Variants in ERBB4 observed in about 807,000 individuals in gnomAD.
ERBB4 encodes the protein receptor tyrosine-protein kinase erbB-4.
Under a neutral mutation model 158.0 loss-of-function variants are expected in ERBB4, and 42 were observed. That is an observed-to-expected ratio of 0.27 (90% CI 0.21 to 0.34). ERBB4 has a LOEUF of 0.34. Among genes scored for constraint, ERBB4 ranks in the 10% least tolerant of loss-of-function variants. The pLI is 1.00. For missense variants in ERBB4, 1,333 were observed against 1,624.1 expected, an observed-to-expected ratio of 0.82 and a Z score of 3.08; for synonymous variants, 583 against 558.7, an observed-to-expected ratio of 1.04 and a Z score of -0.61.
intron 1 of ERBB4, among the ~76,000 whole-genome samples, chr2:212,359,682 T>C (rs1223012169): frequency 6.6e-6 from 1 of 151,754 alleles, no homozygotes; most frequent in Non-Finnish European, 1.5e-5. Flanking sequence ...CAGTTAATCA[T>C]TAGTGCAATA....
intron 1 of ERBB4, among the ~76,000 whole-genome samples, chr2:212,383,969 T>C (rs982519190): frequency 1.3e-5 from 2 of 151,814 alleles, no homozygotes; most frequent in South Asian, 2.1e-4. Flanking sequence ...TTCAATTAAA[T>C]TGCTTTTGAT....
intron 1 of ERBB4, among the ~76,000 whole-genome samples, chr2:212,524,211 C>T (rs1692323196): frequency 6.6e-6 from 1 of 151,926 alleles, no homozygotes; most frequent in African/African-American, 2.4e-5. Flanking sequence ...AATAATTAAG[C>T]TGACGTTCAT....
intron 1 of ERBB4, among the ~76,000 whole-genome samples, chr2:212,151,289 A>AAT (rs1206409632): frequency 6.6e-6 from 1 of 150,776 alleles, no homozygotes; most frequent in Non-Finnish European, 1.5e-5. Flanking sequence ...ATAGGGGTTT[A>AAT]ATATATATAT....
chr2:212,408,227 A>G (rs555294459), intron 1 of ERBB4, among the ~76,000 whole-genome samples: 2 of 151,874 alleles, frequency 1.3e-5, no homozygotes, highest in African/African-American at 4.8e-5. Context: ...TCTTTTCTCT[A>G]ATGCTCTCCC....
intron 1 of ERBB4, among the ~76,000 whole-genome samples, chr2:212,291,410 A>T: frequency 6.6e-6 from 1 of 152,142 alleles, no homozygotes; most frequent in East Asian, 1.9e-4. Flanking sequence ...AAGTCTTTTT[A>T]CTAGATATTT....
intron 3 of ERBB4, among the ~76,000 whole-genome samples, chr2:211,802,163 G>A (rs1362723961): frequency 6.6e-6 from 1 of 152,110 alleles, no homozygotes; most frequent in Admixed American, 6.6e-5. Flanking sequence ...GGAGGCTGAG[G>A]CAGGAGAATG....
chr2:211,657,756 A>T lies in ERBB4; in HGVS notation c.1944T>A (p.Ala648=). 6.2e-7 allele frequency: 1 copy of T among 1,611,876 alleles called. No homozygotes were observed. Among genetic ancestry groups the T allele is most frequent in the Non-Finnish European group, 8.5e-7 (1 of 1,177,902 alleles). Residue 648 remains alanine, a splice_region_variant and synonymous_variant, in exon 16 of 28, where the codon GCT becomes GCA. Transcript: ENST00000342788. ...AATGGAAACATGGTAGATGTTACCT[A>T]GCATGTTGTGGTAAAGTGGAATGGC... ...WTGHSTLPQH[A]RTPLIAAGVI... is the part of the protein sequence containing the mutation.
rs150616169 is a variant in ERBB4 at position 212,110,170 on chromosome 2, G to A, written c.234+14582C>T. On this transcript the variant is annotated intron_variant, in intron 2 of 27. Coordinates refer to ENST00000342788, the MANE Select transcript of ERBB4 (RefSeq NM_005235.3). Reference sequence around the variant, plus strand: ...TAAATCTTGACTAGAGGAGTCAAAGGTGTATAGGTGAAGCTATCCCACTCA... The same window carrying A: ...TAAATCTTGACTAGAGGAGTCAAAGATGTATAGGTGAAGCTATCCCACTCA... Among the ~76,000 whole-genome samples, 188 of 152,224 alleles carry A rather than the reference G, an allele frequency of 1.2e-3. 1 individual carries two copies. In the Middle Eastern group the frequency reaches 0.031, roughly 25 times the overall value.
chr2:212,173,502 C>A, intron 1 of ERBB4, among the ~76,000 whole-genome samples: 1 of 152,130 alleles, frequency 6.6e-6, no homozygotes, highest in African/African-American at 2.4e-5. Flanking sequence ...CTGTTATTAC[C>A]CAGGAAAATT....
At chr2:211,490,831 ATGT>A (rs1238091046) in intron 20 of ERBB4, among the ~76,000 whole-genome samples, 1 of 152,090 alleles carries the variant, frequency 6.6e-6, no homozygotes, top group Non-Finnish European at 1.5e-5. Flanking sequence ...GACATCTTTG[ATGT>A]TGTTTGTTCT....
chr2:211,479,399 A>G (rs2065030502), intron 20 of ERBB4, among the ~76,000 whole-genome samples: 2 of 152,108 alleles, frequency 1.3e-5, no homozygotes, highest in Admixed American at 1.3e-4. Context: ...TCATATTTCT[A>G]TCATTCTTAT....
At position 212,433,915 on chromosome 2, in the gene ERBB4, A is replaced by T. The variant is rs1042348922; in HGVS notation, c.82+104534T>A. Among the ~76,000 whole-genome samples the T allele has an allele frequency of 3.3e-5, 5 of 152,054 alleles. No homozygotes were observed. The East Asian group carries it at 9.7e-4, about 29-fold the overall frequency. On this transcript the variant is annotated intron_variant, in intron 1 of 27. Transcript: ENST00000342788. ...TCATGCACTCTAATAGTGTCATTAC[A>T]TGGAAGAGGGATGCTCAAGGAGATA... is the stretch of plus-strand genomic sequence containing the variant.
chr2:211,606,715 A>C (rs147599308), intron 19 of ERBB4, among the ~76,000 whole-genome samples: 1 of 152,288 alleles, frequency 6.6e-6, no homozygotes, highest in East Asian at 1.9e-4. Flanking sequence ...CATTATATGA[A>C]AAACTAAAGA....
chr2:212,019,281 A>C (rs553162962), intron 2 of ERBB4, among the ~76,000 whole-genome samples: 1 of 152,364 alleles, frequency 6.6e-6, no homozygotes, highest in South Asian at 2.1e-4. Context: ...TCTTTAAACA[A>C]TAACAATGGA....
chr2:211,431,463 A>T (rs2063746982), intron 20 of ERBB4, among the ~76,000 whole-genome samples: 1 of 152,162 alleles, frequency 6.6e-6, no homozygotes, highest in African/African-American at 2.4e-5. Context: ...ATTTGTAATC[A>T]TTCCTTCTCA....
intron 25 of ERBB4, among the ~76,000 whole-genome samples, chr2:211,403,272 A>C (rs1045899666): frequency 6.6e-6 from 1 of 152,104 alleles, no homozygotes; most frequent in Non-Finnish European, 1.5e-5. Context: ...CTAATGGAGA[A>C]TGTCTATTCC....
At chr2:211,740,802 G>A (rs894959304) in intron 5 of ERBB4, among the ~76,000 whole-genome samples, 2 of 151,750 alleles carry the variant, frequency 1.3e-5, no homozygotes, top group African/African-American at 2.4e-5. Flanking sequence ...AGTGGAGACG[G>A]GGTTTCACTG....
chr2:211,861,115 ATATATATTT>A (rs1479101620), intron 3 of ERBB4, among the ~76,000 whole-genome samples: 347 of 30,176 alleles, frequency 0.011, 28 homozygotes, highest in African/African-American at 0.049. Context: ...ATATATTTAT[ATATATATTT>A]TATATATATA....
intron 7 of ERBB4, among the ~76,000 whole-genome samples, chr2:211,720,718 T>A (rs1559456139): frequency 6.6e-6 from 1 of 152,200 alleles, no homozygotes; most frequent in Non-Finnish European, 1.5e-5. Flanking sequence ...CATTAACTTC[T>A]GTTATTCATT....
Sources: allele counts gnomAD v4.1 joint callset (sites outside exome capture counted in the v4.1 genomes callset), GRCh38; gene constraint gnomAD v4.1.1; transcripts MANE v1.5; gene names NCBI Gene and HGNC (gene_info 2026-07-23, HGNC 2026-07-21).